Variants in CDH13 observed in about 807,000 individuals in gnomAD.
The protein encoded by CDH13 is cadherin 13.
CDH13 carries 24 observed loss-of-function variants against 63.8 expected under a neutral mutation model. The observed-to-expected ratio is 0.38, with a 90% confidence interval of 0.27 to 0.53. CDH13 has a LOEUF of 0.53. Among genes scored for constraint, CDH13 ranks in the 20% least tolerant of loss-of-function variants. CDH13 has a pLI of 0.85. For synonymous variants in CDH13, 503 were observed against 355.3 expected, an observed-to-expected ratio of 1.42 and a Z score of -4.67; for missense variants, 1,049 against 903.1, an observed-to-expected ratio of 1.16 and a Z score of -2.07.
chr16:82,641,646 A>G (rs1388407144), intron 1 of CDH13, among the ~76,000 whole-genome samples: 1 of 152,190 alleles, frequency 6.6e-6, no homozygotes, highest in Non-Finnish European at 1.5e-5. Context: ...TCAACTATGG[A>G]TGTTTTAGGG....
intron 3 of CDH13, among the ~76,000 whole-genome samples, chr16:83,043,872 C>A (rs1917550435): frequency 6.6e-6 from 1 of 151,870 alleles, no homozygotes; most frequent in Admixed American, 6.6e-5. Flanking sequence ...TCATAAGATA[C>A]CTTTTTACAT....
chr16:83,270,915 C>CCTCACTCCTTTCCTTTCTCT, intron 5 of CDH13, among the ~76,000 whole-genome samples: 1 of 148,836 alleles, frequency 6.7e-6, no homozygotes, highest in Non-Finnish European at 1.5e-5. Flanking sequence ...TTCCTTCCTC[C>CCTCACTCCTTTCCTTTCTCT]CTCACTCCTT....
chr16:83,306,188 C>G (rs757776697), intron 5 of CDH13, among the ~76,000 whole-genome samples: 3 of 152,176 alleles, frequency 2.0e-5, no homozygotes, highest in African/African-American at 7.2e-5. Flanking sequence ...AACTACTGTT[C>G]CAACATATAG....
chr16:83,087,215 A>T (rs1315784873), intron 3 of CDH13, among the ~76,000 whole-genome samples: 3 of 152,202 alleles, frequency 2.0e-5, no homozygotes, highest in African/African-American at 7.2e-5. Flanking sequence ...TAGGAAACTG[A>T]TCAATGACTT....
chr16:83,722,179 A>G (rs1200137678), intron 10 of CDH13, among the ~76,000 whole-genome samples: 1 of 152,102 alleles, frequency 6.6e-6, no homozygotes, highest in Admixed American at 6.6e-5. Flanking sequence ...CTGCCTGCTA[A>G]TTATGTGAAC....
intron 4 of CDH13, among the ~76,000 whole-genome samples, chr16:83,179,406 G>A (rs1212272588): frequency 1.3e-5 from 2 of 150,914 alleles, no homozygotes; most frequent in African/African-American, 2.4e-5. Context: ...CACTTTGGGA[G>A]GCCGAGGTGG....
intron 2 of CDH13, among the ~76,000 whole-genome samples, chr16:82,906,089 C>T (rs1487748285): frequency 6.6e-6 from 1 of 152,188 alleles, no homozygotes; most frequent in African/African-American, 2.4e-5. Context: ...TACCTACCTA[C>T]CTACCTGTAC....
intron 1 of CDH13, among the ~76,000 whole-genome samples, chr16:82,718,235 C>G (rs897122962): frequency 6.6e-6 from 1 of 152,148 alleles, no homozygotes; most frequent in South Asian, 2.1e-4. Flanking sequence ...CATAGTTATC[C>G]CCACTGAGGA....
chr16:83,192,569 G>C (rs1230303098), intron 4 of CDH13, among the ~76,000 whole-genome samples: 1 of 152,174 alleles, frequency 6.6e-6, no homozygotes, highest in South Asian at 2.1e-4. Context: ...TGTAAATCCA[G>C]AGGCTATAAA....
chr16:82,952,219 G>C (rs1305311957), intron 2 of CDH13, among the ~76,000 whole-genome samples: 1 of 152,300 alleles, frequency 6.6e-6, no homozygotes, highest in South Asian at 2.1e-4. Context: ...AGAAGCGCAT[G>C]GGCCTGAGTT....
chr16:83,566,734 A>G lies in CDH13; in HGVS notation c.961-35720A>G, dbSNP rs954399465. Among the ~76,000 whole-genome samples, 19 of 152,292 alleles carry G rather than the reference A, an allele frequency of 1.2e-4. 1 individual carries two copies. The Middle Eastern group carries it at 0.01, about 82-fold the overall frequency. ...ACAGCACTCTGCCTTCAGGGTTGTCATCACCTGTTCAGATAATAATCTAGC... is the reference window on the plus strand; with the variant it reads ...ACAGCACTCTGCCTTCAGGGTTGTCGTCACCTGTTCAGATAATAATCTAGC... On this transcript the variant is annotated intron_variant, in intron 7 of 13. Transcript: ENST00000567109.
At chr16:82,937,820 T>G (rs1267434651) in intron 2 of CDH13, among the ~76,000 whole-genome samples, 1 of 152,256 alleles carries the variant, frequency 6.6e-6, no homozygotes, top group African/African-American at 2.4e-5. Context: ...TGTTGTTTAT[T>G]CATCATATCT....
intron 8 of CDH13, among the ~76,000 whole-genome samples, chr16:83,633,452 A>G (rs1298520987): frequency 6.6e-6 from 1 of 152,348 alleles, no homozygotes; most frequent in East Asian, 1.9e-4. Context: ...GAAACTCCTC[A>G]CCGCTTTCTA....
In CDH13 at chr16:83,733,293, C is replaced by T. The variant is rs557929539; in HGVS notation, c.1539-14815C>T. Among the ~76,000 whole-genome samples, 203 of 152,302 alleles carry T rather than the reference C, an allele frequency of 1.3e-3. 2 individuals are homozygous for T. The highest frequency in any genetic ancestry group is 4.5e-3 in the African/African-American group (189 of 41,566). The stretch of plus-strand genomic sequence containing the variant: ...GTGCCTCCGGATGATGATCCGTGAG[C>T]GCACACTGGACTCGTGCTCCTGGGT... On this transcript the variant is annotated intron_variant, in intron 10 of 13. Transcript: ENST00000567109.
At chr16:83,692,970 C>T (rs1456897596) in intron 10 of CDH13, among the ~76,000 whole-genome samples, 1 of 152,198 alleles carries the variant, frequency 6.6e-6, no homozygotes, top group African/African-American at 2.4e-5. Flanking sequence ...GTAATCCCAG[C>T]TACTCAGGAG....
rs146644783 is a variant in CDH13, at chr16:82,721,217, C to A, written c.45+94080C>A. On this transcript the variant is annotated intron_variant, in intron 1 of 13. Coordinates refer to ENST00000567109, the MANE Select transcript of CDH13 (RefSeq NM_001257.5). Reference sequence around the variant, plus strand: ...ATCAAAAAGCATAAGACATTGCCCCCACCCTTGATAAGCCATGACTTGGTA... The same window carrying A: ...ATCAAAAAGCATAAGACATTGCCCCAACCCTTGATAAGCCATGACTTGGTA... Among the ~76,000 whole-genome samples the A allele has an allele frequency of 1.5e-4, 23 of 152,194 alleles. No individual in the cohort carries two copies. In the East Asian group the frequency reaches 4.4e-3, roughly 29 times the overall value.
intron 5 of CDH13, among the ~76,000 whole-genome samples, chr16:83,307,314 TCC>T (rs1465522688): frequency 6.6e-6 from 1 of 152,096 alleles, no homozygotes; most frequent in Non-Finnish European, 1.5e-5. Flanking sequence ...ACGATTATTT[TCC>T]CCCTCATTTT....
At position 82,758,145 on chromosome 16, in the gene CDH13, G is replaced by C. The variant is rs542480056; in HGVS notation, c.46-100217G>C. On this transcript the variant is annotated intron_variant, in intron 1 of 13. Transcript: ENST00000567109. ...AGGGACATTTTCCTTGGACCAATTG[G>C]GAAAAGACCTGGTCAAAATTGAGGA... is the stretch of plus-strand genomic sequence containing the variant. Among the ~76,000 whole-genome samples, 6 of 152,148 alleles carry C rather than the reference G, an allele frequency of 3.9e-5. No individual in the cohort carries two copies. In the South Asian group the frequency reaches 1.2e-3, roughly 32 times the overall value.
chr16:83,098,768 T>C (rs764818707), intron 3 of CDH13, among the ~76,000 whole-genome samples: 1 of 152,242 alleles, frequency 6.6e-6, no homozygotes, highest in Non-Finnish European at 1.5e-5. Flanking sequence ...TTCTTCCCTC[T>C]AGCTGCTCTC....
Sources: gnomAD v4.1 joint callset for allele counts (sites outside exome capture counted in the v4.1 genomes callset) on GRCh38, gnomAD v4.1.1 for gene constraint, MANE v1.5 for transcripts, NCBI Gene and HGNC (gene_info 2026-07-23, HGNC 2026-07-21) for gene names.